ADD1: variants seen among roughly 807,000 people sequenced by gnomAD.
ADD1 encodes alpha-adducin.
In ADD1, 24 loss-of-function variants were observed where a neutral mutation model predicts 80.5. The observed-to-expected ratio is 0.30, with a 90% confidence interval of 0.22 to 0.42. The LOEUF (loss-of-function observed/expected upper bound fraction) is 0.42, where lower values mean the gene tolerates loss of function less well. Among genes scored for constraint, ADD1 ranks in the 10% least tolerant of loss-of-function variants. ADD1 has a pLI of 1.00. For missense variants in ADD1, 948 were observed against 1,019.0 expected (o/e 0.93, Z 0.95); for synonymous variants, 373 against 393.8 (o/e 0.95, Z 0.63).
chr4:2,852,189 T>C (rs58369110), intron 1 of ADD1, among the ~76,000 whole-genome samples: 17 of 50,826 alleles, frequency 3.3e-4, no homozygotes, highest in East Asian at 1.3e-3. Context: ...TTTCTTTCTT[T>C]CTTTCTTTCC....
chr4:2,891,349 A>T (rs1389578036), intron 4 of ADD1, among the ~76,000 whole-genome samples: 1 of 152,080 alleles, frequency 6.6e-6, no homozygotes, highest in East Asian at 1.9e-4. Flanking sequence ...TCAGAGGCTG[A>T]GGCAGGAGAA....
In ADD1 at chr4:2,929,238, C is replaced by A. The variant is rs1262989094; in HGVS notation, c.*715C>A. 1.3e-5 allele frequency: 2 copies of A among 152,152 alleles called. No individual in the cohort carries two copies. The highest frequency in any genetic ancestry group is 4.8e-5 in the African/African-American group (2 of 41,422). 9.4% of individuals were successfully genotyped at this position (152,152 alleles called of 1,614,324 possible). On this transcript the variant is annotated 3_prime_UTR_variant, in exon 16 of 16. Transcript: ENST00000683351. The stretch of plus-strand genomic sequence containing the variant: ...GAAGGTATATCAGGAGGGGAAGAGG[C>A]CTTTCTAGAATTTTCTTTGAGCAGG...
At chr4:2,873,088 G>C (rs1180325293) in intron 1 of ADD1, among the ~76,000 whole-genome samples, 1 of 151,996 alleles carries the variant, frequency 6.6e-6, no homozygotes, top group African/African-American at 2.4e-5. Context: ...TGCCTCCCAG[G>C]TTGAAGTAAT....
At chr4:2,846,913 C>T (rs543483962) in intron 1 of ADD1, among the ~76,000 whole-genome samples, 1 of 150,822 alleles carries the variant, frequency 6.6e-6, no homozygotes, top group African/African-American at 2.4e-5. Context: ...GTCAGGAGAT[C>T]GAGACCATCC....
At chr4:2,923,213 T>G (rs867729123) in intron 14 of ADD1, among the ~76,000 whole-genome samples, 1 of 152,198 alleles carries the variant, frequency 6.6e-6, no homozygotes, top group Non-Finnish European at 1.5e-5. Context: ...GCTAGCTCAG[T>G]GTCTGCCGAA....
Position 2,860,023 on chromosome 4 carries a change from T to A in ADD1, c.-20-15873T>A, listed in dbSNP as rs146077225. On this transcript the variant is annotated intron_variant, in intron 1 of 15. Coordinates refer to ENST00000683351, the MANE Select transcript of ADD1 (RefSeq NM_001354761.2). ...AGAGTGTTGGTTTTTTCCTTCCTTA[T>A]AAAATCTTACGTAGAGTTTTCTATA... Among the ~76,000 whole-genome samples the A allele has an allele frequency of 9.9e-4, 150 of 152,216 alleles. 1 individual carries two copies. Among genetic ancestry groups the A allele is most frequent in the Admixed American group, 3.5e-3 (54 of 15,290 alleles).
In ADD1 at chr4:2,904,897, C is replaced by G. The variant is rs1183531459; in HGVS notation, c.1295C>G (p.Pro432Arg). The G allele has an allele frequency of 1.2e-6, 2 of 1,614,180 alleles. No individual in the cohort carries two copies. The highest frequency in any genetic ancestry group is 1.7e-5 in the Admixed American group (1 of 60,020). ...GACGGTGATTCGGGCACTTGCTCCC[C>G]ACTCAGACACAGTTTTCAGAAGCAG... ...ASDGDSGTCS[P>R]LRHSFQKQQR... Residue 432 changes from proline to arginine, a missense_variant, in exon 10 of 16, where the codon CCA (proline) becomes CGA (arginine). By Grantham distance (103) the Pro-to-Arg change is moderately radical. Transcript: ENST00000683351.
chr4:2,857,711 A>T (rs192891125), intron 1 of ADD1, among the ~76,000 whole-genome samples: 69 of 152,326 alleles, frequency 4.5e-4, no homozygotes, highest in African/African-American at 1.6e-3. Context: ...CAAAAGGTGT[A>T]TTCAGTGTGA....
At chr4:2,875,691 C>A (rs1560171834) in intron 1 of ADD1, among the ~76,000 whole-genome samples, 3 of 152,120 alleles carry the variant, frequency 2.0e-5, no homozygotes, top group Admixed American at 2.0e-4. Flanking sequence ...CAAAACACAG[C>A]ATTGGTTAGT....
Position 2,926,382 on chromosome 4 carries a change from C to G in ADD1, c.2047+270C>G, listed in dbSNP as rs1302403068. On this transcript the variant is annotated intron_variant, in intron 15 of 15. Transcript: ENST00000683351. This position sits in a 1 kb window ranked among gnomAD's most constrained non-coding sequence, Gnocchi z 5.0. ...GCTGGTGTCCACGTTGCCCATTGCT[C>G]GCACACTCCTCGTGCCGTGTTGTCA... is the stretch of plus-strand genomic sequence containing the variant. 4.3e-6 allele frequency: 3 copies of G among 702,146 alleles called. No homozygotes were observed. The highest frequency in any genetic ancestry group is 7.8e-6 in the Non-Finnish European group (3 of 386,430). The allele number at this position is 702,146 out of a possible 1,614,324, so 43.5% of individuals were successfully genotyped here.
In ADD1 at chr4:2,926,067, G is replaced by T. The variant is rs759048665; in HGVS notation, c.2002G>T (p.Ala668Ser). Reference protein sequence around the residue: ...QKEKSPPDQPAVPHPPPSTPI... With the variant: ...QKEKSPPDQPSVPHPPPSTPI... ...AGAAAAGAGTCCTCCAGACCAGCCT[G>T]CGGTCCCCCACCCGCCTCCCAGCAC... The change falls in exon 15 of 16, where the codon GCG becomes TCG. Residue 668 changes from alanine (A) to serine (S), a missense_variant. Ala to Ser is a moderately conservative substitution (Grantham distance 99, BLOSUM62 1). Transcript: ENST00000683351. The surrounding 1 kb of genome is among the most constrained non-coding windows in gnomAD (Gnocchi z 5.0). The T allele has an allele frequency of 6.2e-7, 1 of 1,614,164 alleles. No homozygotes were observed. Among genetic ancestry groups the T allele is most frequent in the Admixed American group, 1.7e-5 (1 of 60,024 alleles).
chr4:2,853,045 A>G (rs1727552840), intron 1 of ADD1: 1 of 151,920 alleles, frequency 6.6e-6, no homozygotes, highest in African/African-American at 2.4e-5. Context: ...TAATGAATGT[A>G]CAGGTTGCTA....
chr4:2,867,680 A>G (rs1317676264), intron 1 of ADD1, among the ~76,000 whole-genome samples: 1 of 152,240 alleles, frequency 6.6e-6, no homozygotes, highest in Non-Finnish European at 1.5e-5. Flanking sequence ...CTAACCATTC[A>G]TCATAAAAGG....
intron 9 of ADD1, chr4:2,901,280 T>C (rs1386786939): frequency 6.6e-6 from 1 of 152,182 alleles, no homozygotes; most frequent in Non-Finnish European, 1.5e-5. Flanking sequence ...GCTGCTCTTC[T>C]ACTTACAGTC....
At chr4:2,883,638 A>G (rs536310192) in intron 3 of ADD1, among the ~76,000 whole-genome samples, 7 of 150,842 alleles carry the variant, frequency 4.6e-5, no homozygotes, top group African/African-American at 1.2e-4. Context: ...GGCTTAAGGG[A>G]TCCTCCATGC....
chr4:2,895,449 T>G (rs1280192896), intron 6 of ADD1, among the ~76,000 whole-genome samples: 2 of 148,650 alleles, frequency 1.3e-5, no homozygotes, highest in African/African-American at 2.5e-5. Flanking sequence ...CGGGGAAGGG[T>G]GTTTGGGGTG....
At chr4:2,861,646 A>T (rs1728833012) in intron 1 of ADD1, among the ~76,000 whole-genome samples, 1 of 152,090 alleles carries the variant, frequency 6.6e-6, no homozygotes, top group Admixed American at 6.6e-5. Flanking sequence ...TGCACATTTG[A>T]CTCACCTTTA....
intron 1 of ADD1, among the ~76,000 whole-genome samples, chr4:2,856,909 T>C (rs1728165325): frequency 6.8e-6 from 1 of 147,560 alleles, no homozygotes; most frequent in African/African-American, 2.6e-5. Context: ...TATTCTGTTA[T>C]TTTTTATTTT....
chr4:2,913,705 G>A (rs552518207), intron 13 of ADD1, among the ~76,000 whole-genome samples: 1 of 151,934 alleles, frequency 6.6e-6, no homozygotes, highest in South Asian at 2.1e-4. Flanking sequence ...AGGAGCGGTC[G>A]GCCTGTGTGA....
Sources: allele counts gnomAD v4.1 joint callset (sites outside exome capture counted in the v4.1 genomes callset), GRCh38; gene constraint gnomAD v4.1.1; non-coding constraint Gnocchi (gnomAD v3.1); transcripts MANE v1.5; gene names NCBI Gene and HGNC (gene_info 2026-07-23, HGNC 2026-07-21).